PDSS2: variants seen among roughly 807,000 people sequenced by gnomAD.
The protein encoded by PDSS2 is all trans-polyprenyl-diphosphate synthase PDSS2.
A neutral mutation model predicts 44.5 loss-of-function variants in PDSS2; 31 were observed. That is an observed-to-expected ratio of 0.70 (90% CI 0.52 to 0.94). PDSS2 has a LOEUF of 0.94. Among genes scored for constraint, PDSS2 ranks in the 40% least tolerant of loss-of-function variants. The pLI is 0.00. For synonymous variants in PDSS2, 157 were observed against 180.3 expected (o/e 0.87, Z 1.03); for missense variants, 452 against 482.2 (o/e 0.94, Z 0.59).
intron 4 of PDSS2, among the ~76,000 whole-genome samples, chr6:107,237,908 AAAAAAAAGAAAAG>A (rs1774281958): frequency 6.6e-6 from 1 of 151,848 alleles, no homozygotes; most frequent in Non-Finnish European, 1.5e-5. Flanking sequence ...AAAAAAAAAA[AAAAAAAAGAAAAG>A]AAAATAAATG....
intron 1 of PDSS2, among the ~76,000 whole-genome samples, chr6:107,404,123 C>T (rs1780233336): frequency 6.6e-6 from 1 of 152,160 alleles, no homozygotes; most frequent in South Asian, 2.1e-4. Flanking sequence ...TTCCATACAT[C>T]TCTAGGGCAG....
chr6:107,304,980 C>T (rs914302192), intron 2 of PDSS2, among the ~76,000 whole-genome samples: 3 of 151,810 alleles, frequency 2.0e-5, no homozygotes, highest in South Asian at 2.1e-4. Context: ...CCTCTTTATC[C>T]CCCAGCCCTG....
chr6:107,379,492 G>A (rs1779391477), intron 1 of PDSS2, among the ~76,000 whole-genome samples: 1 of 152,172 alleles, frequency 6.6e-6, no homozygotes, highest in Non-Finnish European at 1.5e-5. Flanking sequence ...CTTATACTGA[G>A]AGTGATGAGT....
intron 3 of PDSS2, among the ~76,000 whole-genome samples, chr6:107,249,244 C>A (rs1774731763): frequency 6.6e-6 from 1 of 152,144 alleles, no homozygotes; most frequent in African/African-American, 2.4e-5. Context: ...TTCCATACTG[C>A]CCTATTACCG....
intron 2 of PDSS2, among the ~76,000 whole-genome samples, chr6:107,304,969 C>T (rs541495181): frequency 4.6e-5 from 7 of 151,932 alleles, no homozygotes; most frequent in African/African-American, 1.7e-4. Flanking sequence ...TCCTCCAGTC[C>T]CCTCTTTATC....
chr6:107,434,343 G>A (rs1781284473), intron 1 of PDSS2, among the ~76,000 whole-genome samples: 1 of 152,154 alleles, frequency 6.6e-6, no homozygotes, highest in Admixed American at 6.5e-5. Context: ...GCCAAGATGT[G>A]GAAGCAACCT....
chr6:107,155,475 G>C (rs1321089597), intron 7 of PDSS2, among the ~76,000 whole-genome samples: 2 of 151,916 alleles, frequency 1.3e-5, no homozygotes, highest in African/African-American at 4.8e-5. Context: ...TGTGAGGAAG[G>C]CTTCACTAAT....
intron 2 of PDSS2, among the ~76,000 whole-genome samples, chr6:107,301,036 T>C (rs1328120095): frequency 6.6e-6 from 1 of 152,242 alleles, no homozygotes; most frequent in Non-Finnish European, 1.5e-5. Context: ...TTGTTTCATT[T>C]GAAATAAGCA....
rs147723975 is a variant in PDSS2, at chr6:107,154,665, C to T, written c.1154G>A (p.Arg385Lys). The change falls in exon 8 of 8, where the codon AGA (arginine) becomes AAA (lysine). Residue 385 changes from arginine to lysine, a missense_variant. Transcript: ENST00000369037. ...ALESFPPSEA[R>K]SALENIVFAV... Reference sequence around the variant, plus strand: ...AAACACAATGTTTTCTAAAGCAGATCTGGCCTCCGAGGGAGGAAAGCTCTC... The same window carrying T: ...AAACACAATGTTTTCTAAAGCAGATTTGGCCTCCGAGGGAGGAAAGCTCTC... The T allele has an allele frequency of 1.9e-6, 3 of 1,614,084 alleles. No individual in the cohort carries two copies. The highest frequency in any genetic ancestry group is 2.5e-6 in the Non-Finnish European group (3 of 1,180,024).
intron 4 of PDSS2, among the ~76,000 whole-genome samples, chr6:107,239,715 C>T (rs1267736531): frequency 7.4e-6 from 1 of 135,578 alleles, no homozygotes; most frequent in Non-Finnish European, 1.5e-5. Context: ...GATTTCGGCT[C>T]ACTGCAACCT....
chr6:107,285,725 T>TA (rs1212690490), intron 2 of PDSS2, among the ~76,000 whole-genome samples: 2 of 152,184 alleles, frequency 1.3e-5, no homozygotes, highest in African/African-American at 4.8e-5. Context: ...AAAACATATT[T>TA]AAATGGATTA....
chr6:107,284,992 G>A (rs1034535920), intron 2 of PDSS2, among the ~76,000 whole-genome samples: 1 of 152,178 alleles, frequency 6.6e-6, no homozygotes, highest in Admixed American at 6.5e-5. Flanking sequence ...TAGGCTGACA[G>A]GCTAAGTAAC....
intron 1 of PDSS2, among the ~76,000 whole-genome samples, chr6:107,430,433 G>C (rs1361645050): frequency 6.6e-6 from 1 of 152,190 alleles, no homozygotes; most frequent in Non-Finnish European, 1.5e-5. Context: ...CCGGGAGGTA[G>C]AGGTTGCAGT....
intron 1 of PDSS2, among the ~76,000 whole-genome samples, chr6:107,451,705 T>G (rs1781871807): frequency 6.6e-6 from 1 of 152,178 alleles, no homozygotes. Context: ...CTGTTTACCC[T>G]CATGTCCTCA....
chr6:107,170,370 T>A (rs1489987491), intron 7 of PDSS2, among the ~76,000 whole-genome samples: 3 of 152,148 alleles, frequency 2.0e-5, no homozygotes, highest in African/African-American at 7.2e-5. Flanking sequence ...CCAGTTGCCA[T>A]CTGTCACAGC....
intron 7 of PDSS2, among the ~76,000 whole-genome samples, chr6:107,182,099 T>G (rs2114461288): frequency 6.6e-6 from 1 of 152,068 alleles, no homozygotes; most frequent in African/African-American, 2.4e-5. Context: ...AAAATAACAT[T>G]AAGAAATTAG....
chr6:107,426,850 G>T (rs1781021154), intron 1 of PDSS2, among the ~76,000 whole-genome samples: 2 of 152,078 alleles, frequency 1.3e-5, no homozygotes, highest in Non-Finnish European at 2.9e-5. Flanking sequence ...CTTACCCAAT[G>T]CCTGTACCCC....
At chr6:107,402,594 T>G (rs1780181068) in intron 1 of PDSS2, among the ~76,000 whole-genome samples, 1 of 145,894 alleles carries the variant, frequency 6.9e-6, no homozygotes, top group Non-Finnish European at 1.5e-5. Context: ...GTTTAATGGA[T>G]TCACAGTTCC....
intron 1 of PDSS2, among the ~76,000 whole-genome samples, chr6:107,338,633 C>T (rs758500822): frequency 1.3e-5 from 2 of 152,076 alleles, no homozygotes; most frequent in East Asian, 1.9e-4. Flanking sequence ...AAGAGACTTC[C>T]GTGAGATCTA....
Sources: allele counts gnomAD v4.1 joint callset (sites outside exome capture counted in the v4.1 genomes callset), GRCh38; gene constraint gnomAD v4.1.1; transcripts MANE v1.5; gene names NCBI Gene and HGNC (gene_info 2026-07-23, HGNC 2026-07-21).